The following BCAS3 variants were observed in gnomAD, a reference collection of about 807,000 sequenced individuals.
BCAS3 encodes the protein BCAS4/BCAS3 fusion.
A neutral mutation model predicts 116.1 loss-of-function variants in BCAS3; 53 were observed. That is an observed-to-expected ratio of 0.46 (90% CI 0.37 to 0.57). The LOEUF (loss-of-function observed/expected upper bound fraction) is 0.57, where lower values mean the gene tolerates loss of function less well. Among genes scored for constraint, BCAS3 ranks in the 20% least tolerant of loss-of-function variants. BCAS3 has a pLI of 0.00. For missense variants in BCAS3, 917 were observed against 1,165.4 expected (o/e 0.79, Z 3.10); for synonymous variants, 391 against 408.2 (o/e 0.96, Z 0.51).
At chr17:60,785,684 G>A (rs1211710756) in intron 6 of BCAS3, among the ~76,000 whole-genome samples, 3 of 152,192 alleles carry the variant, frequency 2.0e-5, no homozygotes, top group Non-Finnish European at 4.4e-5. Flanking sequence ...AGTATTGAGT[G>A]AGAATAATAA....
intron 6 of BCAS3, among the ~76,000 whole-genome samples, chr17:60,797,358 T>TTTTATTTA (rs550694588): frequency 4.6e-5 from 7 of 151,844 alleles, no homozygotes; most frequent in African/African-American, 1.4e-4. Flanking sequence ...TTATTTTTAC[T>TTTTATTTA]TTTATTTATT....
rs2082140231 is a variant in BCAS3 at position 61,222,047 on chromosome 17, C to A, written c.2425+137483C>A. Among the ~76,000 whole-genome samples, 1 of 152,160 alleles carries A rather than the reference C, an allele frequency of 6.6e-6. No individual in the cohort carries two copies. Among genetic ancestry groups the A allele is most frequent in the South Asian group, 2.1e-4 (1 of 4,830 alleles). On this transcript the variant is annotated intron_variant, in intron 22 of 23. Transcript: ENST00000407086. The surrounding 1 kb of genome is among the most constrained non-coding windows in gnomAD (Gnocchi z 6.1). ...TTACTATTACTATTAAGAATACATA[C>A]CTGCTGCTCACTAAGTGTACATATG...
At chr17:61,255,363 C>T (rs2048701282) in intron 22 of BCAS3, among the ~76,000 whole-genome samples, 1 of 152,226 alleles carries the variant, frequency 6.6e-6, no homozygotes, top group Admixed American at 6.5e-5. Context: ...AGTTTCTTTC[C>T]CTTACAGCCT....
Position 61,387,850 on chromosome 17 carries a change from G to A in BCAS3, c.2594-4127G>A, listed in dbSNP as rs547294955. On this transcript the variant is annotated intron_variant, in intron 23 of 23. Transcript: ENST00000407086. The surrounding 1 kb of genome is among the most constrained non-coding windows in gnomAD (Gnocchi z 6.2). ...TTGCTCTCTGCAATGTGGGTATATA[G>A]CTCCCACCACCCAGGGGACCACATC... is the stretch of plus-strand genomic sequence containing the variant. Among the ~76,000 whole-genome samples, 1 of 152,146 alleles carries A rather than the reference G, an allele frequency of 6.6e-6. No homozygotes were observed. Among genetic ancestry groups the A allele is most frequent in the Non-Finnish European group, 1.5e-5 (1 of 68,022 alleles).
chr17:60,868,470 A>G (rs2054822069), intron 7 of BCAS3, 106 bp from the exon 8 acceptor site: 1 of 556,434 alleles, frequency 1.8e-6, no homozygotes, highest in Admixed American at 4.3e-5. Context: ...ATTTACTAAT[A>G]TCTTGTTAAT....
chr17:61,291,196 G>T (rs192696291), intron 22 of BCAS3, among the ~76,000 whole-genome samples: 2 of 152,294 alleles, frequency 1.3e-5, no homozygotes, highest in East Asian at 3.9e-4. Context: ...TACTTTGCTA[G>T]CTATTGGTGA....
intron 22 of BCAS3, among the ~76,000 whole-genome samples, chr17:61,329,481 C>T (rs1602725627): frequency 6.6e-6 from 1 of 151,854 alleles, no homozygotes; most frequent in Admixed American, 6.6e-5. Flanking sequence ...ACTGGGACTA[C>T]AGGCGCCCGC....
At chr17:60,937,184 A>G (rs1472406473) in intron 13 of BCAS3, among the ~76,000 whole-genome samples, 33 of 150,560 alleles carry the variant, frequency 2.2e-4, no homozygotes, top group African/African-American at 7.8e-4. Context: ...ATGCGACATT[A>G]TTTCTGAGGG....
intron 14 of BCAS3, among the ~76,000 whole-genome samples, chr17:60,963,358 A>C (rs2061499673): frequency 6.6e-6 from 1 of 152,118 alleles, no homozygotes; most frequent in Non-Finnish European, 1.5e-5. Flanking sequence ...TTTGATCCAT[A>C]AGCATGGAAT....
At chr17:60,977,133 G>A (rs553884351) in intron 14 of BCAS3, among the ~76,000 whole-genome samples, 4 of 151,922 alleles carry the variant, frequency 2.6e-5, no homozygotes, top group East Asian at 1.9e-4. Flanking sequence ...CGGACAGGGC[G>A]GCTGGCCAGG....
intron 5 of BCAS3, among the ~76,000 whole-genome samples, chr17:60,744,969 T>C (rs2041907441): frequency 6.6e-6 from 1 of 152,204 alleles, no homozygotes; most frequent in African/African-American, 2.4e-5. Flanking sequence ...GTGTATTAAA[T>C]ACAATGATAG....
intron 7 of BCAS3, among the ~76,000 whole-genome samples, chr17:60,842,755 C>T (rs1172760603): frequency 6.6e-6 from 1 of 152,118 alleles, no homozygotes; most frequent in Non-Finnish European, 1.5e-5. Context: ...CCTTGGATTC[C>T]ACCATTGTAC....
At chr17:60,690,500 G>T (rs1019569427) in intron 4 of BCAS3, among the ~76,000 whole-genome samples, 1 of 151,534 alleles carries the variant, frequency 6.6e-6, no homozygotes, top group Non-Finnish European at 1.5e-5. Flanking sequence ...AGCCTGGGAG[G>T]TCTAGGCTGC....
rs1257601370 is a variant in BCAS3 at position 61,300,458 on chromosome 17, A to G, written c.2426-67869A>G. ...GGAAATGATCAGTAGGGCAAGTTTT[A>G]ATTTAGGGCATTTAAACCCATTGTG... On this transcript the variant is annotated intron_variant, in intron 22 of 23. Coordinates refer to ENST00000407086, the MANE Select transcript of BCAS3 (RefSeq NM_017679.5). This position sits in a 1 kb window ranked among gnomAD's most constrained non-coding sequence, Gnocchi z 5.1. 6.6e-6 allele frequency among the ~76,000 whole-genome samples: 1 copy of G among 152,186 alleles called. No individual in the cohort carries two copies. The highest frequency in any genetic ancestry group is 1.5e-5 in the Non-Finnish European group (1 of 68,040).
At chr17:60,728,688 C>T (rs982434893) in intron 5 of BCAS3, among the ~76,000 whole-genome samples, 2 of 152,042 alleles carry the variant, frequency 1.3e-5, no homozygotes, top group African/African-American at 2.4e-5. Flanking sequence ...CCATGTTGGT[C>T]AGGCTGGTCT....
chr17:61,102,179 AAATT>A (rs1400816159), intron 22 of BCAS3, among the ~76,000 whole-genome samples: 2 of 152,176 alleles, frequency 1.3e-5, no homozygotes. Flanking sequence ...GTGATCATGA[AAATT>A]AACGTAAGCT....
intron 9 of BCAS3, 73 bp from the exon 10 acceptor site, chr17:60,889,621 TG>T: frequency 8.5e-7 from 1 of 1,180,880 alleles, no homozygotes; most frequent in Non-Finnish European, 1.2e-6. Context: ...TCTGTTTTTC[TG>T]GCATCGATAT....
At chr17:61,289,027 C>T (rs368769226) in intron 22 of BCAS3, among the ~76,000 whole-genome samples, 2 of 152,248 alleles carry the variant, frequency 1.3e-5, no homozygotes, top group African/African-American at 4.8e-5. Flanking sequence ...TGCACATTTC[C>T]TCTTGGGCAA....
At chr17:61,074,661 T>C (rs1404600302) in intron 19 of BCAS3, among the ~76,000 whole-genome samples, 3 of 152,248 alleles carry the variant, frequency 2.0e-5, no homozygotes. Flanking sequence ...GTACTTTTGC[T>C]ATTAGCATAT....
Sources: gnomAD v4.1 joint callset for allele counts (sites outside exome capture counted in the v4.1 genomes callset) on GRCh38, gnomAD v4.1.1 for gene constraint, Gnocchi (gnomAD v3.1) non-coding constraint, MANE v1.5 for transcripts, NCBI Gene and HGNC (gene_info 2026-07-23, HGNC 2026-07-21) for gene names.